ANGEL1: variants seen among roughly 807,000 people sequenced by gnomAD.
The protein encoded by ANGEL1 is angel homolog 1.
ANGEL1 carries 62 observed loss-of-function variants against 76.4 expected under a neutral mutation model. The observed-to-expected ratio is 0.81, with a 90% confidence interval of 0.66 to 1.00. ANGEL1 has a LOEUF of 1.00. Ranked by LOEUF, ANGEL1 falls within the 50% of genes least tolerant of loss-of-function variation. The pLI, the probability that ANGEL1 is intolerant of heterozygous loss-of-function variation, is 0.00. For synonymous variants in ANGEL1, 340 were observed against 331.7 expected (o/e 1.03, Z -0.27); for missense variants, 737 against 836.7 (o/e 0.88, Z 1.47).
chr14:76,800,989 C>T (rs186943491), intron 7 of ANGEL1, among the ~76,000 whole-genome samples: 1 of 151,962 alleles, frequency 6.6e-6, no homozygotes, highest in East Asian at 1.9e-4. Context: ...AAAAAAAAGT[C>T]TGAGGTCAAC....
intron 5 of ANGEL1, among the ~76,000 whole-genome samples, chr14:76,804,778 G>C (rs777812220): frequency 1.1e-4 from 16 of 152,188 alleles, no homozygotes; most frequent in Non-Finnish European, 1.9e-4. Flanking sequence ...GGGAGGCTGA[G>C]GTAGGTGGAT....
chr14:76,809,730 A>G (rs1296501628), intron 1 of ANGEL1, 87 bp from the exon 2 acceptor site: 10 of 1,138,002 alleles, frequency 8.8e-6, no homozygotes, highest in African/African-American at 3.1e-5. Flanking sequence ...CAATAAAAGC[A>G]AGACCCATAT....
intron 7 of ANGEL1, among the ~76,000 whole-genome samples, chr14:76,795,252 G>A (rs1012546970): frequency 7.9e-5 from 12 of 152,108 alleles, no homozygotes; most frequent in Non-Finnish European, 7.4e-5. Flanking sequence ...ACAGAGGATG[G>A]CACAAGTTTC....
chr14:76,795,338 C>A (rs1894545464), intron 7 of ANGEL1, among the ~76,000 whole-genome samples: 1 of 152,116 alleles, frequency 6.6e-6, no homozygotes, highest in Non-Finnish European at 1.5e-5. Context: ...TATACTTCTA[C>A]TAAACTTCAG....
At chr14:76,793,162 T>A (rs897032168) in intron 7 of ANGEL1, among the ~76,000 whole-genome samples, 11 of 150,598 alleles carry the variant, frequency 7.3e-5, no homozygotes, top group African/African-American at 2.4e-4. Flanking sequence ...TTAGGAAAAA[T>A]TTAATAAAAA....
intron 4 of ANGEL1, 29 bp from the exon 5 acceptor site, chr14:76,806,878 G>C (rs778220456): frequency 6.9e-6 from 11 of 1,598,088 alleles, no homozygotes; most frequent in Non-Finnish European, 8.5e-6. Context: ...CAAAGAGATG[G>C]GTCAGAGTCC....
At chr14:76,796,955 G>A (rs1351912660) in intron 7 of ANGEL1, among the ~76,000 whole-genome samples, 1 of 152,058 alleles carries the variant, frequency 6.6e-6, no homozygotes, top group Non-Finnish European at 1.5e-5. Context: ...AAATCACAGT[G>A]ACCTGCAGGA....
intron 1 of ANGEL1, chr14:76,812,521 G>A (rs1327576263): frequency 2.4e-6 from 3 of 1,242,514 alleles, no homozygotes; most frequent in Admixed American, 4.3e-5. Context: ...AACCGCGGCC[G>A]GACGCCATCT....
At chr14:76,790,499 T>C in intron 9 of ANGEL1, 112 bp downstream of exon 9, 1 of 1,494,638 alleles carries the variant, frequency 6.7e-7, no homozygotes, top group Non-Finnish European at 8.9e-7. Context: ...TGAAATCTGC[T>C]CCTTTGCTGG....
At chr14:76,792,760 A>T (rs1392245914) in intron 7 of ANGEL1, among the ~76,000 whole-genome samples, 4 of 152,234 alleles carry the variant, frequency 2.6e-5, no homozygotes, top group Non-Finnish European at 5.9e-5. Flanking sequence ...GATAAAGAGA[A>T]TCTATGAAAA....
In ANGEL1 at chr14:76,789,046, C is replaced by A. The variant is rs1595290519; in HGVS notation, c.*182G>T. ...GAAGAGGCTGGGGTGGGGCAAGGAC[C>A]ACAGGCAGAGAACGCAGCCAGGCCT... On this transcript the variant is annotated 3_prime_UTR_variant, in exon 10 of 10. Coordinates refer to ENST00000251089, the MANE Select transcript of ANGEL1 (RefSeq NM_015305.4). The A allele has an allele frequency of 6.2e-6, 5 of 802,664 alleles. No individual in the cohort carries two copies. The East Asian group carries it at 1.1e-4, about 17-fold the overall frequency. 49.7% of individuals were successfully genotyped at this position (802,664 alleles called of 1,614,324 possible).
In ANGEL1 at chr14:76,808,074, GA is replaced by G. The variant is rs1894973593; in HGVS notation, c.723del (p.Gln242SerfsTer6). 1 of 1,613,970 alleles carries G rather than the reference GA, an allele frequency of 6.2e-7. No individual in the cohort carries two copies. The highest frequency in any genetic ancestry group is 1.3e-5 in the African/African-American group (1 of 74,928). ...TAAGACATCAGAGTGAACTGGAACT[GA>G]GGGCCATCTCCTGCCTTCAGGCCCT... Reference protein sequence around the residue: ...DAQGLKAGDGPQFQFTLMSYN... With the variant: ...DAQGLKAGDGXQFQFTLMSYN... On this transcript the variant is annotated frameshift_variant, in exon 3 of 10. Coordinates refer to ENST00000251089, the MANE Select transcript of ANGEL1 (RefSeq NM_015305.4). LOFTEE classifies it high-confidence loss of function.
rs1894317320 is a variant in ANGEL1 at position 76,788,915 on chromosome 14, T to G, written c.*313A>C. 1 of 303,048 alleles carries G rather than the reference T, an allele frequency of 3.3e-6. No homozygotes were observed. Among genetic ancestry groups the G allele is most frequent in the Non-Finnish European group, 6.1e-6 (1 of 162,928 alleles). The allele number at this position is 303,048 out of a possible 1,614,324, so 18.8% of individuals were successfully genotyped here. ...TAACCAATGAAATCAAGAACTCCCATAACCCTGGTAATTAAAAATCAAGGG... is the reference window on the plus strand; with the variant it reads ...TAACCAATGAAATCAAGAACTCCCAGAACCCTGGTAATTAAAAATCAAGGG... On this transcript the variant is annotated 3_prime_UTR_variant, in exon 10 of 10. Transcript: ENST00000251089.
rs759800286 is a variant in ANGEL1 at position 76,808,083 on chromosome 14, C to A, written c.715G>T (p.Asp239Tyr). 6.8e-6 allele frequency: 11 copies of A among 1,614,036 alleles called. No homozygotes were observed. The highest frequency in any genetic ancestry group is 9.3e-6 in the Non-Finnish European group (11 of 1,180,038). ...AGAGTGAACTGGAACTGAGGGCCATCTCCTGCCTTCAGGCCCTGAGCATCT... is the reference window on the plus strand; with the variant it reads ...AGAGTGAACTGGAACTGAGGGCCATATCCTGCCTTCAGGCCCTGAGCATCT... ...QPDAQGLKAG[D>Y]GPQFQFTLMS... Residue 239 changes from aspartate to tyrosine, a missense_variant, in exon 3 of 10, where the codon GAT (aspartate) becomes TAT (tyrosine). Asp to Tyr is a radical substitution (Grantham distance 160). Around this residue, in one of 2 missense-constraint regions of ANGEL1, gnomAD observed 441 missense variants for 449.5 expected, o/e 0.98. Coordinates refer to ENST00000251089, the MANE Select transcript of ANGEL1 (RefSeq NM_015305.4).
chr14:76,810,062 T>C (rs574046745), intron 1 of ANGEL1: 14 of 388,056 alleles, frequency 3.6e-5, no homozygotes, highest in African/African-American at 2.9e-4. Context: ...TGGGTTATGA[T>C]CTAGCACCAA....
chr14:76,808,270 A>G (rs1894980275), intron 2 of ANGEL1, 122 bp from the exon 3 acceptor site: 2 of 773,670 alleles, frequency 2.6e-6, no homozygotes, highest in Admixed American at 5.0e-5. Context: ...CCTGTCACCC[A>G]TCCCTCTCTG....
rs1052322557 is a variant in ANGEL1 at position 76,786,135 on chromosome 14, C to T, written c.*3093G>A. ...AGAGGACAAATGATGTTTCTAATTC[C>T]TAGCTGAGTTTTCTTTCTTTTCTTT... On this transcript the variant is annotated 3_prime_UTR_variant, in exon 10 of 10. Coordinates refer to ENST00000251089, the MANE Select transcript of ANGEL1 (RefSeq NM_015305.4). 3 of 153,800 alleles carry T rather than the reference C, an allele frequency of 2.0e-5. No homozygotes were observed. The highest frequency in any genetic ancestry group is 7.3e-5 in the African/African-American group (3 of 41,348). 9.5% of individuals were successfully genotyped at this position (153,800 alleles called of 1,614,324 possible).
At position 76,799,014 on chromosome 14, in the gene ANGEL1, A is replaced by G. The variant is rs112525830; in HGVS notation, c.1618+4357T>C. Among the ~76,000 whole-genome samples, 895 of 151,896 alleles carry G rather than the reference A, an allele frequency of 5.9e-3. 13 individuals carry two copies. Among genetic ancestry groups the G allele is most frequent in the African/African-American group, 0.021 (866 of 41,450 alleles). On this transcript the variant is annotated intron_variant, in intron 7 of 9. Transcript: ENST00000251089. Reference sequence around the variant, plus strand: ...AATCACAATGTATTTTATTATACACATTGGATGGCACAGAATGCTCCAGTA... The same window carrying G: ...AATCACAATGTATTTTATTATACACGTTGGATGGCACAGAATGCTCCAGTA...
Position 76,806,599 on chromosome 14 carries a change from C to T in ANGEL1, c.1197G>A (p.Arg399=). The T allele has an allele frequency of 6.2e-7, 1 of 1,614,220 alleles. No homozygotes were observed. The highest frequency in any genetic ancestry group is 1.1e-5 in the South Asian group (1 of 91,080). Residue 399 remains arginine, a synonymous_variant, in exon 5 of 10, where the codon CGG becomes CGA. Coordinates refer to ENST00000251089, the MANE Select transcript of ANGEL1 (RefSeq NM_015305.4). ...CCATCTGGGCCAGCTTGACATCGCC[C>T]CGGCGTGGGTTGTAAAGGATATGGG... ...ANTHILYNPR[R]GDVKLAQMAI...
Sources: gnomAD v4.1 joint callset for allele counts (sites outside exome capture counted in the v4.1 genomes callset) on GRCh38, gnomAD v4.1.1 for gene constraint, gnomAD v4.1.1 regional missense constraint, MANE v1.5 for transcripts, NCBI Gene and HGNC (gene_info 2026-07-23, HGNC 2026-07-21) for gene names.